Variants in FGF18 observed in about 807,000 individuals in gnomAD.
FGF18 encodes fibroblast growth factor 18.
Under a neutral mutation model 23.0 loss-of-function variants are expected in FGF18, and 5 were observed. The ratio of observed to expected loss-of-function variants is 0.22; its 90% confidence interval spans 0.11 to 0.46. The LOEUF (loss-of-function observed/expected upper bound fraction) is 0.46, where lower values mean the gene tolerates loss of function less well. Ranked by LOEUF, FGF18 falls within the 20% of genes least tolerant of loss-of-function variation. FGF18 has a pLI of 0.99. For synonymous variants in FGF18, 117 were observed against 118.9 expected, an observed-to-expected ratio of 0.98 and a Z score of 0.10; for missense variants, 180 against 291.6, an observed-to-expected ratio of 0.62 and a Z score of 2.79.
At chr5:171,452,263 C>T (rs957784535) in intron 4 of FGF18, among the ~76,000 whole-genome samples, 1 of 152,226 alleles carries the variant, frequency 6.6e-6, no homozygotes, top group Admixed American at 6.5e-5. Context: ...CCCTTTGGAG[C>T]CAGGTCACGA....
Position 171,456,115 on chromosome 5 carries a change from C to T in FGF18, c.358-424C>T, listed in dbSNP as rs756646444. Among the ~76,000 whole-genome samples, 8 of 152,172 alleles carry T rather than the reference C, an allele frequency of 5.3e-5. No homozygotes were observed. The highest frequency in any genetic ancestry group is 1.2e-4 in the Non-Finnish European group (8 of 68,030). On this transcript the variant is annotated intron_variant, in intron 4 of 4. Coordinates refer to ENST00000274625, the MANE Select transcript of FGF18 (RefSeq NM_003862.3). This position sits in a 1 kb window ranked among gnomAD's most constrained non-coding sequence, Gnocchi z 6.1. ...CTAGAGTCAGGCTCCTGAACCTTCTCTTATGCCCATCTGTGCACTTCTTTG... is the reference window on the plus strand; with the variant it reads ...CTAGAGTCAGGCTCCTGAACCTTCTTTTATGCCCATCTGTGCACTTCTTTG...
rs550934107 is a variant in FGF18, at chr5:171,420,218, G to C, written c.19G>C (p.Ala7Pro). The C allele has an allele frequency of 1.9e-6, 3 of 1,561,758 alleles. No individual in the cohort carries two copies. Among genetic ancestry groups the C allele is most frequent in the South Asian group, 2.3e-5 (2 of 85,992 alleles). Residue 7 changes from alanine to proline, a missense_variant, in exon 1 of 5, where the codon GCC (alanine) becomes CCC (proline). Transcript: ENST00000274625. ...CCCAGCGATGTATTCAGCGCCCTCC[G>C]CCTGCACTTGCCTGTAAGCGCCCGC... MYSAPS[A>P]CTCLCLHFLL... is the part of the protein sequence containing the mutation.
At chr5:171,423,413 C>T (rs1455496241) in intron 2 of FGF18, among the ~76,000 whole-genome samples, 5 of 152,206 alleles carry the variant, frequency 3.3e-5, no homozygotes, top group African/African-American at 7.2e-5. Context: ...TCACGCAGCT[C>T]GGCCGGCACC....
intron 2 of FGF18, among the ~76,000 whole-genome samples, chr5:171,430,407 AT>A (rs1472069263): frequency 1.3e-5 from 2 of 151,910 alleles, no homozygotes; most frequent in African/African-American, 4.8e-5. Context: ...TGTTCTGGGC[AT>A]TACATAGGAA....
intron 2 of FGF18, among the ~76,000 whole-genome samples, chr5:171,433,427 C>T (rs766833496): frequency 2.6e-4 from 39 of 152,218 alleles, no homozygotes; most frequent in Admixed American, 3.9e-4. Context: ...AGAGGCCTGC[C>T]CTTGGGGGAG....
chr5:171,442,616 C>A (rs972154470), intron 3 of FGF18, among the ~76,000 whole-genome samples: 4 of 152,236 alleles, frequency 2.6e-5, no homozygotes, highest in Non-Finnish European at 1.5e-5. Flanking sequence ...TTGGGGAAAA[C>A]AAACCCACCC....
chr5:171,428,669 T>A (rs1182608583), intron 2 of FGF18, among the ~76,000 whole-genome samples: 1 of 152,050 alleles, frequency 6.6e-6, no homozygotes, highest in African/African-American at 2.4e-5. Flanking sequence ...TTCCCAGGAA[T>A]GGGGATGATG....
At chr5:171,424,251 C>A (rs1394614801) in intron 2 of FGF18, among the ~76,000 whole-genome samples, 1 of 152,246 alleles carries the variant, frequency 6.6e-6, no homozygotes, top group Non-Finnish European at 1.5e-5. Flanking sequence ...GCCCCCTCCT[C>A]TCCCAGCACT....
intron 4 of FGF18, among the ~76,000 whole-genome samples, chr5:171,450,064 A>G (rs1445030162): frequency 7.0e-6 from 1 of 143,464 alleles, no homozygotes; most frequent in Non-Finnish European, 1.5e-5. Context: ...TCCCATATGC[A>G]GTTTGTACAA....
chr5:171,450,561 A>C (rs907126432), intron 4 of FGF18, among the ~76,000 whole-genome samples: 2 of 152,212 alleles, frequency 1.3e-5, no homozygotes, highest in African/African-American at 4.8e-5. Flanking sequence ...CCCGGTTTGG[A>C]AGGAAAAGAT....
At chr5:171,431,799 C>T (rs541541847) in intron 2 of FGF18, among the ~76,000 whole-genome samples, 54 of 152,274 alleles carry the variant, frequency 3.5e-4, no homozygotes, top group African/African-American at 1.2e-3. Flanking sequence ...TGGCTCACAC[C>T]TGTAATCCCA....
chr5:171,450,972 C>A (rs568017967), intron 4 of FGF18, among the ~76,000 whole-genome samples: 3 of 152,064 alleles, frequency 2.0e-5, no homozygotes, highest in African/African-American at 4.8e-5. Context: ...CCGCCCTCGC[C>A]GTCTGCGTGC....
chr5:171,420,333 C>A lies in FGF18; in HGVS notation c.33-74C>A, dbSNP rs888520892. The A allele has an allele frequency of 2.5e-6, 4 of 1,605,172 alleles. No individual in the cohort carries two copies. The South Asian group carries it at 3.3e-5, about 13-fold the overall frequency. ...CCGCCCGTCGGTTCACCTGACTCTT[C>A]GACTGCGTGTCTGTCTGTCCGTGCG... On this transcript the variant is annotated intron_variant, in intron 1 of 4. Transcript: ENST00000274625.
intron 2 of FGF18, among the ~76,000 whole-genome samples, chr5:171,427,202 C>T (rs1772103952): frequency 6.9e-6 from 1 of 145,914 alleles, no homozygotes; most frequent in African/African-American, 2.6e-5. Context: ...GACGCTCCAT[C>T]TGGGAAAAAA....
intron 4 of FGF18, 106 bp downstream of exon 4, chr5:171,449,359 C>CGGTGTGTGTG: frequency 4.1e-6 from 1 of 246,426 alleles, no homozygotes; most frequent in Non-Finnish European, 7.8e-6. Context: ...GGAAAACAGG[C>CGGTGTGTGTG]CGTGTGTGTG....
intron 2 of FGF18, among the ~76,000 whole-genome samples, 157 bp downstream of exon 2, chr5:171,420,600 G>A (rs1421381699): frequency 6.6e-6 from 1 of 152,154 alleles, no homozygotes; most frequent in Non-Finnish European, 1.5e-5. Context: ...CTCCGCGTGC[G>A]CCCTGCGCCG....
chr5:171,420,559 G>T lies in FGF18; in HGVS notation c.69+116G>T, dbSNP rs1056551049. 5.9e-5 allele frequency: 60 copies of T among 1,016,700 alleles called. No homozygotes were observed. The African/African-American group carries it at 8.9e-4, about 15-fold the overall frequency. 63.0% of individuals were successfully genotyped at this position (1,016,700 alleles called of 1,614,324 possible). On this transcript the variant is annotated intron_variant, in intron 2 of 4. Transcript: ENST00000274625. ...CCACCCCTCCTGGGCGCTGAGCCCA[G>T]TGCACCTGTTCCCAGGGCGCGGAAG... is the stretch of plus-strand genomic sequence containing the variant.
Position 171,456,456 on chromosome 5 carries a change from C to G in FGF18, c.358-83C>G. 1.4e-6 allele frequency: 2 copies of G among 1,416,022 alleles called. No homozygotes were observed. Among genetic ancestry groups the G allele is most frequent in the African/African-American group, 2.9e-5 (2 of 70,102 alleles). 87.7% of individuals were successfully genotyped at this position (1,416,022 alleles called of 1,614,324 possible). On this transcript the variant is annotated intron_variant, in intron 4 of 4. Transcript: ENST00000274625. This position sits in a 1 kb window ranked among gnomAD's most constrained non-coding sequence, Gnocchi z 6.1. Reference sequence around the variant, plus strand: ...TGTCCCTACAACAATCGCAATGGTCCTGAATAAAACCTTCCTCGCTGTGCT... The same window carrying G: ...TGTCCCTACAACAATCGCAATGGTCGTGAATAAAACCTTCCTCGCTGTGCT...
intron 4 of FGF18, among the ~76,000 whole-genome samples, chr5:171,452,199 A>G (rs1305092294): frequency 2.0e-5 from 3 of 152,236 alleles, no homozygotes; most frequent in African/African-American, 7.2e-5. Context: ...AATGGGAATG[A>G]TAATCTGGGC....
Sources: gnomAD v4.1 joint callset for allele counts (sites outside exome capture counted in the v4.1 genomes callset) on GRCh38, gnomAD v4.1.1 for gene constraint, Gnocchi (gnomAD v3.1) non-coding constraint, MANE v1.5 for transcripts, NCBI Gene and HGNC (gene_info 2026-07-23, HGNC 2026-07-21) for gene names.